Variants in LRRK1 observed in about 807,000 individuals in gnomAD.
The protein encoded by LRRK1 is leucine-rich repeat serine/threonine-protein kinase 1.
Under a neutral mutation model 209.1 loss-of-function variants are expected in LRRK1, and 113 were observed. That is an observed-to-expected ratio of 0.54 (90% CI 0.46 to 0.63). The LOEUF (loss-of-function observed/expected upper bound fraction) is 0.63, where lower values mean the gene tolerates loss of function less well. Ranked by LOEUF, LRRK1 falls within the 30% of genes least tolerant of loss-of-function variation. The pLI is 0.00. For synonymous variants in LRRK1, 1,144 were observed against 1,099.7 expected, an observed-to-expected ratio of 1.04 and a Z score of -0.80; for missense variants, 2,284 against 2,632.2, an observed-to-expected ratio of 0.87 and a Z score of 2.89.
In LRRK1 at chr15:100,963,492, C is replaced by T. The variant is rs555981429; in HGVS notation, c.98-10312C>T. On this transcript the variant is annotated intron_variant, in intron 2 of 33. Coordinates refer to ENST00000388948, the MANE Select transcript of LRRK1 (RefSeq NM_024652.6). ...TAGCGCTGCTGTAGACGTTAAGTGACGTGAGTCCAGTCCCCAGGCCTGTGC... is the reference window on the plus strand; with the variant it reads ...TAGCGCTGCTGTAGACGTTAAGTGATGTGAGTCCAGTCCCCAGGCCTGTGC... 7.2e-5 allele frequency among the ~76,000 whole-genome samples: 11 copies of T among 152,332 alleles called. No individual in the cohort carries two copies. In the South Asian group the frequency reaches 1.4e-3, roughly 20 times the overall value.
chr15:101,005,041 A>T (rs2081458152), intron 6 of LRRK1, among the ~76,000 whole-genome samples: 1 of 151,696 alleles, frequency 6.6e-6, no homozygotes, highest in South Asian at 2.1e-4. Context: ...GGTACCAACC[A>T]TTCCATACGG....
rs1422264138 is a variant in LRRK1 at position 100,919,577 on chromosome 15, G to C, written c.-123+126G>C. ...CCTCTGCCTGCCCGCGGGCCCCTGCGCTCCGGGCGGCCGCGTGGTCGGGCA... is the reference window on the plus strand; with the variant it reads ...CCTCTGCCTGCCCGCGGGCCCCTGCCCTCCGGGCGGCCGCGTGGTCGGGCA... On this transcript the variant is annotated intron_variant, in intron 1 of 33. Transcript: ENST00000388948. This position sits in a 1 kb window ranked among gnomAD's most constrained non-coding sequence, Gnocchi z 5.8. 2.0e-5 allele frequency: 3 copies of C among 148,172 alleles called. No individual in the cohort carries two copies. Among genetic ancestry groups the C allele is most frequent in the African/African-American group, 7.3e-5 (3 of 40,980 alleles). The allele number at this position is 148,172 out of a possible 1,614,324, so 9.2% of individuals were successfully genotyped here. A position where few individuals can be genotyped will look rare whatever the true frequency, so the allele number is the denominator to read the frequency against.
chr15:100,923,524 C>T (rs2042055887), intron 1 of LRRK1, among the ~76,000 whole-genome samples: 1 of 152,180 alleles, frequency 6.6e-6, no homozygotes, highest in African/African-American at 2.4e-5. Flanking sequence ...CAAGGATAGG[C>T]GCACATGCAT....
At chr15:100,935,913 G>T (rs2042291176) in intron 2 of LRRK1, among the ~76,000 whole-genome samples, 1 of 152,158 alleles carries the variant, frequency 6.6e-6, no homozygotes. Flanking sequence ...TCTAGCCCAA[G>T]CTTCTTTACA....
At chr15:100,982,786 T>C (rs2031675445) in intron 3 of LRRK1, among the ~76,000 whole-genome samples, 1 of 152,238 alleles carries the variant, frequency 6.6e-6, no homozygotes, top group Admixed American at 6.5e-5. Context: ...GTTACTGAGC[T>C]CTGGCTCTAT....
chr15:101,052,059 C>G, intron 24 of LRRK1, 99 bp downstream of exon 24: 1 of 1,411,428 alleles, frequency 7.1e-7, no homozygotes. Context: ...CCCTCTGGGG[C>G]GGGCAGGTGC....
At chr15:100,947,405 T>C (rs1244410088) in intron 2 of LRRK1, among the ~76,000 whole-genome samples, 2 of 152,258 alleles carry the variant, frequency 1.3e-5, no homozygotes, top group East Asian at 3.8e-4. Flanking sequence ...AGATATCTTA[T>C]TCTGTTTTAC....
At chr15:101,019,481 A>G (rs1216665736) in intron 12 of LRRK1, among the ~76,000 whole-genome samples, 3 of 152,222 alleles carry the variant, frequency 2.0e-5, no homozygotes, top group East Asian at 1.9e-4. Flanking sequence ...GAGCCCCTGC[A>G]GTGAGTCCCA....
At position 100,973,875 on chromosome 15, in the gene LRRK1, G is replaced by A; in HGVS notation, c.169G>A (p.Gly57Ser). ...TGCAGCGCGGTCCCGCAGGACGGAA[G>A]GCATCCGCGCCGCGTACAGGCGGGG... ...DPAARSRRTE[G>S]IRAAYRRGDR... is the part of the protein sequence containing the mutation. The change falls in exon 3 of 34, where the codon GGC (glycine) becomes AGC (serine). Residue 57 changes from glycine (G) to serine (S), a missense_variant. Physicochemically the swap from Gly to Ser is moderately conservative, Grantham distance 56. Around this residue, in one of 6 missense-constraint regions of LRRK1, gnomAD observed 174 missense variants for 133.5 expected, o/e 1.30. Coordinates refer to ENST00000388948, the MANE Select transcript of LRRK1 (RefSeq NM_024652.6). 1.6e-6 allele frequency: 2 copies of A among 1,283,496 alleles called. No individual in the cohort carries two copies. Among genetic ancestry groups the A allele is most frequent in the Non-Finnish European group, 2.0e-6 (2 of 1,010,486 alleles). 79.5% of individuals were successfully genotyped at this position (1,283,496 alleles called of 1,614,324 possible).
intron 3 of LRRK1, among the ~76,000 whole-genome samples, chr15:100,979,225 G>GA (rs2031469236): frequency 6.6e-6 from 1 of 152,044 alleles, no homozygotes; most frequent in Admixed American, 6.6e-5. Flanking sequence ...TTAAGAATAG[G>GA]AGGGAACTTC....
chr15:101,030,800 G>A (rs1489376350), intron 20 of LRRK1, among the ~76,000 whole-genome samples: 1 of 152,114 alleles, frequency 6.6e-6, no homozygotes. Flanking sequence ...GGGTACAGTT[G>A]GTATTTGGTT....
At chr15:101,058,235 A>G (rs1183120635) in intron 29 of LRRK1, 94 bp downstream of exon 29, 1 of 1,299,744 alleles carries the variant, frequency 7.7e-7, no homozygotes, top group Non-Finnish European at 1.1e-6. Context: ...CACAGTGAGA[A>G]TTATTTAGCA....
chr15:101,001,820 T>C (rs2032706487), intron 6 of LRRK1, among the ~76,000 whole-genome samples: 1 of 152,214 alleles, frequency 6.6e-6, no homozygotes, highest in Non-Finnish European at 1.5e-5. Flanking sequence ...TCATGAGCCA[T>C]AAGCAAAATA....
At chr15:101,016,280 CA>C (rs2033536266) in intron 12 of LRRK1, among the ~76,000 whole-genome samples, 1 of 150,712 alleles carries the variant, frequency 6.6e-6, no homozygotes, top group African/African-American at 2.4e-5. Flanking sequence ...ATCCCATCTC[CA>C]AATAGTAATT....
intron 2 of LRRK1, among the ~76,000 whole-genome samples, chr15:100,945,756 G>A (rs1410913572): frequency 6.6e-6 from 1 of 152,082 alleles, no homozygotes; most frequent in Non-Finnish European, 1.5e-5. Flanking sequence ...GCTTCCCAAA[G>A]TGCTGGGATT....
intron 2 of LRRK1, among the ~76,000 whole-genome samples, chr15:100,961,705 A>T (rs1026470862): frequency 1.3e-5 from 2 of 150,348 alleles, no homozygotes; most frequent in Non-Finnish European, 3.0e-5. Flanking sequence ...GAAGCAGAGG[A>T]TGAGCTTTGA....
rs1170578219 is a variant in LRRK1 at position 100,962,821 on chromosome 15, ATAT to A, written c.98-10981_98-10979del. On this transcript the variant is annotated intron_variant, in intron 2 of 33. Transcript: ENST00000388948. ...TATATATATATATATATATATATATATATTTTTTTTTTTTTTTTTGAGATGGAG... is the reference window on the plus strand; with the variant it reads ...TATATATATATATATATATATATATATTTTTTTTTTTTTTTTGAGATGGAG... 6.5e-3 allele frequency among the ~76,000 whole-genome samples: 96 copies of A among 14,670 alleles called. 1 individual carries two copies. Among genetic ancestry groups the A allele is most frequent in the East Asian group, 0.025 (28 of 1,104 alleles). 9.6% of individuals were successfully genotyped at this position (14,670 alleles called of 152,430 possible).
intron 2 of LRRK1, among the ~76,000 whole-genome samples, chr15:100,945,852 C>T (rs1305101235): frequency 6.6e-6 from 1 of 152,064 alleles, no homozygotes; most frequent in Non-Finnish European, 1.5e-5. Context: ...AATTTCTAGG[C>T]GCTGTTAGTG....
chr15:100,959,292 G>T (rs1421964378), intron 2 of LRRK1, among the ~76,000 whole-genome samples: 1 of 152,154 alleles, frequency 6.6e-6, no homozygotes, highest in Non-Finnish European at 1.5e-5. Context: ...GTCTAGATAG[G>T]CACCCACGGC....
Sources: allele counts gnomAD v4.1 joint callset (sites outside exome capture counted in the v4.1 genomes callset), GRCh38; gene constraint gnomAD v4.1.1; regional missense constraint gnomAD v4.1.1; non-coding constraint Gnocchi (gnomAD v3.1); transcripts MANE v1.5; gene names NCBI Gene and HGNC (gene_info 2026-07-23, HGNC 2026-07-21).